Variants in POU2F2 observed in about 807,000 individuals in gnomAD.
POU2F2 encodes POU domain, class 2, transcription factor 2.
A neutral mutation model predicts 63.5 loss-of-function variants in POU2F2; 14 were observed. That is an observed-to-expected ratio of 0.22 (90% CI 0.15 to 0.34). POU2F2 has a LOEUF of 0.34. POU2F2 is among the 10% of genes least tolerant of loss of function. The pLI is 1.00. For synonymous variants in POU2F2, 306 were observed against 348.6 expected (o/e 0.88, Z 1.36); for missense variants, 607 against 815.2 (o/e 0.74, Z 3.11).
chr19:42,095,702 C>CG lies in POU2F2; in HGVS notation c.872-10dup, dbSNP rs1344158261. ...GTCCACAGACATAGTCTCTGTGCGC[C>CG]GGGGGAGACGTGAGCATGAGAAGGG... On this transcript the variant is annotated splice_polypyrimidine_tract_variant and intron_variant, in intron 9 of 14. Transcript: ENST00000692977. This position sits in a 1 kb window ranked among gnomAD's most constrained non-coding sequence, Gnocchi z 7.1. The CG allele has an allele frequency of 1.9e-6, 3 of 1,611,216 alleles. No homozygotes were observed. The East Asian group carries it at 6.7e-5, about 36-fold the overall frequency.
At chr19:42,141,862 G>A (rs1599655053) in intron 2 of POU2F2, among the ~76,000 whole-genome samples, 1 of 152,138 alleles carries the variant, frequency 6.6e-6, no homozygotes. Flanking sequence ...AAGATTTGAG[G>A]TTGAGAAAAA....
intron 1 of POU2F2, among the ~76,000 whole-genome samples, chr19:42,167,219 C>A (rs2034669756): frequency 1.3e-5 from 2 of 152,216 alleles, no homozygotes; most frequent in Admixed American, 1.3e-4. Flanking sequence ...CTTTGGGAGG[C>A]CGTGGCGGGC....
At chr19:42,130,164 C>A (rs2033580265) in intron 1 of POU2F2, among the ~76,000 whole-genome samples, 1 of 152,080 alleles carries the variant, frequency 6.6e-6, no homozygotes, top group Non-Finnish European at 1.5e-5. Context: ...CATACACCCT[C>A]CCCCTACATA....
intron 2 of POU2F2, among the ~76,000 whole-genome samples, chr19:42,149,270 G>A (rs1331152081): frequency 3.9e-5 from 6 of 152,174 alleles, no homozygotes; most frequent in African/African-American, 7.2e-5. Context: ...CCATCTCTGC[G>A]AGTGTAGACT....
intron 5 of POU2F2, among the ~76,000 whole-genome samples, chr19:42,103,453 A>G (rs1568994295): frequency 1.3e-5 from 2 of 152,192 alleles, no homozygotes; most frequent in Non-Finnish European, 2.9e-5. Flanking sequence ...AATTTTATGT[A>G]AAGTTGAAAG....
Position 42,155,898 on chromosome 19 carries a change from C to A in POU2F2, c.-9+4434G>T. The A allele has an allele frequency of 6.6e-6, 1 of 152,500 alleles. No homozygotes were observed. The highest frequency in any genetic ancestry group is 1.5e-5 in the Non-Finnish European group (1 of 68,176). 9.4% of individuals were successfully genotyped at this position (152,500 alleles called of 1,614,324 possible). A position where few individuals can be genotyped will look rare whatever the true frequency, so the allele number is the denominator to read the frequency against. On this transcript the variant is annotated intron_variant, in intron 2 of 6. Transcript: ENST00000524801. This position sits in a 1 kb window ranked among gnomAD's most constrained non-coding sequence, Gnocchi z 4.2. Reference sequence around the variant, plus strand: ...AAAAGGAAGAAAGATGATGCTGGGGCTGGAGCCAAAGGGAGAGGAAGAGGA... The same window carrying A: ...AAAAGGAAGAAAGATGATGCTGGGGATGGAGCCAAAGGGAGAGGAAGAGGA...
rs533758219 is a variant in POU2F2 at position 42,092,778 on chromosome 19, G to A, written c.1265-508C>T. 2.6e-5 allele frequency among the ~76,000 whole-genome samples: 4 copies of A among 152,020 alleles called. No homozygotes were observed. The highest frequency in any genetic ancestry group is 5.9e-5 in the Non-Finnish European group (4 of 68,012). ...TCAGATCCCTTGTCTGGAAAATGGGGATAATAATAGACCCTATCTCATAAA... is the reference window on the plus strand; with the variant it reads ...TCAGATCCCTTGTCTGGAAAATGGGAATAATAATAGACCCTATCTCATAAA... On this transcript the variant is annotated intron_variant, in intron 12 of 14. Transcript: ENST00000692977. The surrounding 1 kb of genome is among the most constrained non-coding windows in gnomAD (Gnocchi z 5.0).
Position 42,162,098 on chromosome 19 carries a change from G to A in POU2F2, c.-69-1706C>T, listed in dbSNP as rs1193955847. Among the ~76,000 whole-genome samples the A allele has an allele frequency of 2.6e-5, 4 of 152,146 alleles. No individual in the cohort carries two copies. The highest frequency in any genetic ancestry group is 7.2e-5 in the African/African-American group (3 of 41,422). On this transcript the variant is annotated intron_variant, in intron 1 of 6. Transcript: ENST00000524801. The surrounding 1 kb of genome is among the most constrained non-coding windows in gnomAD (Gnocchi z 4.1). ...GAGGGAATCCCCAGGCCTCGGGGGG[G>A]CCAGAGTCAGACAGCGCCTTAGGGC...
chr19:42,176,552 A>G (rs987898803), upstream of POU2F2, among the ~76,000 whole-genome samples: 6 of 149,416 alleles, frequency 4.0e-5, no homozygotes, highest in Non-Finnish European at 8.9e-5. Context: ...TCCTCTCTCT[A>G]CTGCTTCCCC....
chr19:42,194,836 A>AAAGGGAGG (rs1266932486), intron 1 of POU2F2, among the ~76,000 whole-genome samples: 1 of 116,300 alleles, frequency 8.6e-6, no homozygotes, highest in Non-Finnish European at 1.8e-5. Context: ...AGAAAGGGAG[A>AAAGGGAGG]AAGGGAGGAA....
At chr19:42,149,763 T>C (rs931676936) in intron 2 of POU2F2, among the ~76,000 whole-genome samples, 19 of 151,966 alleles carry the variant, frequency 1.3e-4, no homozygotes, top group Admixed American at 6.5e-4. Flanking sequence ...CTCCTGTAAA[T>C]TGCTTCCCAA....
chr19:42,105,945 T>C (rs1459460369), intron 5 of POU2F2, among the ~76,000 whole-genome samples: 1 of 152,150 alleles, frequency 6.6e-6, no homozygotes, highest in Non-Finnish European at 1.5e-5. Flanking sequence ...AAAAACCTAT[T>C]GCCCTCTTCT....
At chr19:42,132,149 A>G (rs1302338880) in intron 1 of POU2F2, among the ~76,000 whole-genome samples, 1 of 152,172 alleles carries the variant, frequency 6.6e-6, no homozygotes, top group East Asian at 1.9e-4. Flanking sequence ...ACCCTTCGGA[A>G]CAGGGCAACA....
chr19:42,127,124 A>AT (rs576806077), intron 1 of POU2F2, among the ~76,000 whole-genome samples: 130 of 146,884 alleles, frequency 8.9e-4, no homozygotes, highest in East Asian at 2.0e-3. Context: ...TAAAAAAAAA[A>AT]TTTTTTTTTT....
At chr19:42,147,659 A>G (rs1048542590) in intron 2 of POU2F2, among the ~76,000 whole-genome samples, 11 of 152,222 alleles carry the variant, frequency 7.2e-5, no homozygotes, top group African/African-American at 2.4e-4. Flanking sequence ...AGAGTACTTA[A>G]GTCTTCGAAG....
chr19:42,168,722 A>AG (rs1020842491), intron 1 of POU2F2, among the ~76,000 whole-genome samples: 1 of 152,194 alleles, frequency 6.6e-6, no homozygotes, highest in Non-Finnish European at 1.5e-5. Context: ...GGGTAAGGGT[A>AG]GGGGCATCTG....
intron 4 of POU2F2, among the ~76,000 whole-genome samples, chr19:42,121,197 A>G (rs552307734): frequency 6.6e-6 from 1 of 152,294 alleles, no homozygotes; most frequent in Admixed American, 6.5e-5. Context: ...GGCAATAGCC[A>G]AACCTGCCAT....
At chr19:42,116,901 G>T in intron 5 of POU2F2, 1 of 501,668 alleles carries the variant, frequency 2.0e-6, no homozygotes, top group Non-Finnish European at 3.9e-6. Context: ...CGGCAGCGGC[G>T]TTAGCGGCAG....
chr19:42,143,331 A>G (rs2034166279), intron 2 of POU2F2, among the ~76,000 whole-genome samples: 1 of 152,196 alleles, frequency 6.6e-6, no homozygotes, highest in Non-Finnish European at 1.5e-5. Flanking sequence ...CACCCTGGGC[A>G]AAAGAGCAAG....
Sources: gnomAD v4.1 joint callset for allele counts (sites outside exome capture counted in the v4.1 genomes callset) on GRCh38, gnomAD v4.1.1 for gene constraint, Gnocchi (gnomAD v3.1) non-coding constraint, MANE v1.5 for transcripts, NCBI Gene and HGNC (gene_info 2026-07-23, HGNC 2026-07-21) for gene names.